Variants in CENPF observed in about 807,000 individuals in gnomAD.
CENPF encodes AH antigen.
CENPF carries 214 observed loss-of-function variants against 307.3 expected under a neutral mutation model. The ratio of observed to expected loss-of-function variants is 0.70; its 90% CI spans 0.62 to 0.78. The LOEUF is 0.78. CENPF is among the 30% of genes least tolerant of loss of function. The pLI, the probability that CENPF is intolerant of heterozygous loss-of-function variation, is 0.00. For missense variants in CENPF, 3,401 were observed against 3,483.9 expected (o/e 0.98, Z 0.60); for synonymous variants, 1,259 against 1,270.6 (o/e 0.99, Z 0.19).
chr1:214,615,586 G>A (rs1254074860), intron 3 of CENPF, among the ~76,000 whole-genome samples: 5 of 152,180 alleles, frequency 3.3e-5, no homozygotes, highest in Non-Finnish European at 5.9e-5. Flanking sequence ...GGGCCCAGTT[G>A]AGATTGGAGA....
Position 214,646,127 on chromosome 1 carries a change from C to T in CENPF, c.6557C>T (p.Thr2186Ile). Residue 2186 changes from threonine (T) to isoleucine (I), a missense_variant, in exon 13 of 20, where the codon ACT becomes ATT. Coordinates refer to ENST00000366955, the MANE Select transcript of CENPF (RefSeq NM_016343.4). ...GAGAATTCCAAAGCAGAAGTAGAGA[C>T]TCTAAAAACACAAATAGAAGAGATG... is the stretch of plus-strand genomic sequence containing the variant. ...DAENSKAEVE[T>I]LKTQIEEMAR... 4.3e-6 allele frequency: 7 copies of T among 1,613,970 alleles called. No individual in the cohort carries two copies. Among genetic ancestry groups the T allele is most frequent in the Non-Finnish European group, 5.9e-6 (7 of 1,179,996 alleles).
chr1:214,616,857 CTTT>C (rs1657359242), intron 3 of CENPF, among the ~76,000 whole-genome samples: 2 of 28,332 alleles, frequency 7.1e-5, no homozygotes, highest in East Asian at 1.7e-3. Flanking sequence ...TTCTTTCTTT[CTTT>C]CTTTCTTTCT....
Position 214,663,942 on chromosome 1 carries a change from A to G in CENPF, c.*148A>G. The G allele has an allele frequency of 6.2e-6, 4 of 649,834 alleles. No homozygotes were observed. Among genetic ancestry groups the G allele is most frequent in the South Asian group, 2.0e-5 (1 of 49,414 alleles). The allele number at this position is 649,834 out of a possible 1,614,324, so 40.3% of individuals were successfully genotyped here. A position where few individuals can be genotyped will look rare whatever the true frequency, so the allele number is the denominator to read the frequency against. Reference sequence around the variant, plus strand: ...GTCTTAAATATATTGTACTCTTTAGATCTCCCATGTGTAGGTATTGAAAAA... The same window carrying G: ...GTCTTAAATATATTGTACTCTTTAGGTCTCCCATGTGTAGGTATTGAAAAA... On this transcript the variant is annotated 3_prime_UTR_variant, in exon 20 of 20. Transcript: ENST00000366955.
chr1:214,622,868 A>G (rs145115553), intron 7 of CENPF, among the ~76,000 whole-genome samples: 1,497 of 144,536 alleles, frequency 0.01, 24 homozygotes, highest in South Asian at 0.028. Context: ...TGTACCCATG[A>G]GTTCTGCATT....
At position 214,641,067 on chromosome 1, in the gene CENPF, A is replaced by G; in HGVS notation, c.2729A>G (p.Glu910Gly). Residue 910 changes from glutamate (E) to glycine (G), a missense_variant, in exon 12 of 20, where the codon GAA becomes GGA. By Grantham distance (98) the Glu-to-Gly change is moderately conservative. Transcript: ENST00000366955. ...AETLSALENK[E>G]KELQLLNDKV... is the part of the protein sequence containing the mutation. ...ACCTTAAGTGCCCTTGAGAACAAGGAAAAAGAGCTGCAACTTTTAAATGAT... is the reference window on the plus strand; with the variant it reads ...ACCTTAAGTGCCCTTGAGAACAAGGGAAAAGAGCTGCAACTTTTAAATGAT... 6.4e-7 allele frequency: 1 copy of G among 1,565,208 alleles called. No individual in the cohort carries two copies. The highest frequency in any genetic ancestry group is 2.2e-5 in the East Asian group (1 of 44,672).
chr1:214,618,156 A>G (rs570850415), intron 3 of CENPF, among the ~76,000 whole-genome samples: 2 of 152,316 alleles, frequency 1.3e-5, no homozygotes, highest in Admixed American at 6.5e-5. Flanking sequence ...CGAGAATAGC[A>G]TGGGAAAACT....
chr1:214,605,902 A>G, intron 1 of CENPF: 1 of 1,597,308 alleles, frequency 6.3e-7, no homozygotes. Flanking sequence ...TCTCGATGTT[A>G]GGGAAGGCGT....
intron 1 of CENPF, chr1:214,605,700 G>A: frequency 3.1e-6 from 5 of 1,591,428 alleles, no homozygotes; most frequent in South Asian, 1.1e-5. Flanking sequence ...GGCAGCTCCT[G>A]GGAGATGAAG....
chr1:214,621,058 G>A, intron 6 of CENPF, 112 bp downstream of exon 6: 1 of 923,822 alleles, frequency 1.1e-6, no homozygotes, highest in African/African-American at 1.7e-5. Flanking sequence ...AGGCACATCG[G>A]TGTTCAACAT....
In CENPF at chr1:214,641,228, C is replaced by T. The variant is rs3795521; in HGVS notation, c.2890C>T (p.Leu964=). 752,966 of 1,604,894 alleles carry T rather than the reference C, an allele frequency of 0.47. 189,538 individuals carry two copies. Among genetic ancestry groups the T allele is most frequent in the Non-Finnish European group, 0.53 (620,814 of 1,177,494 alleles). Residue 964 remains leucine, a synonymous_variant, in exon 12 of 20, where the codon CTA becomes TTA. Transcript: ENST00000366955. ...GAAAGAAATGAGTTCCATCATTTCT[C>T]TAAATAAAAGGGAAATTGAAGAGCT... ...EKKEMSSIIS[L]NKREIEELTQ... is the part of the protein sequence containing the mutation.
intron 1 of CENPF, among the ~76,000 whole-genome samples, chr1:214,611,405 G>A (rs988962517): frequency 2.0e-5 from 3 of 151,004 alleles, no homozygotes; most frequent in Non-Finnish European, 4.4e-5. Flanking sequence ...GCTCTTTGTT[G>A]CCCAGGATGG....
chr1:214,608,459 T>C (rs1657101005), intron 1 of CENPF: 1 of 1,613,182 alleles, frequency 6.2e-7, no homozygotes, highest in Non-Finnish European at 8.5e-7. Context: ...TAGAAGCTGC[T>C]CATCTGGCCC....
In CENPF at chr1:214,652,889, C is replaced by T. The variant is rs766558554; in HGVS notation, c.8222C>T (p.Ser2741Leu). ...ACTTCTAAAGAAGAATGTCTCAGTT[C>T]ACAGAAGCTGGAGATAGACCTTTTA... ...KLTSKEECLS[S>L]QKLEIDLLKS... is the part of the protein sequence containing the mutation. Residue 2741 changes from serine (S) to leucine (L), a missense_variant, in exon 16 of 20, where the codon TCA becomes TTA. Ser to Leu is a moderately radical substitution (Grantham distance 145). Coordinates refer to ENST00000366955, the MANE Select transcript of CENPF (RefSeq NM_016343.4). 9 of 1,608,394 alleles carry T rather than the reference C, an allele frequency of 5.6e-6. No individual in the cohort carries two copies. The highest frequency in any genetic ancestry group is 4.5e-5 in the South Asian group (4 of 89,630).
chr1:214,608,555 G>A (rs1038922492), intron 1 of CENPF: 15 of 1,610,988 alleles, frequency 9.3e-6, no homozygotes, highest in African/African-American at 6.7e-5. Flanking sequence ...ACGCGGTTGC[G>A]GCGGGCGCTC....
rs1658252257 is a variant in CENPF, at chr1:214,645,183, A to G, written c.5613A>G (p.Glu1871=). Residue 1871 remains glutamate, a synonymous_variant, in exon 13 of 20, where the codon GAA becomes GAG. Coordinates refer to ENST00000366955, the MANE Select transcript of CENPF (RefSeq NM_016343.4). ...CTGAAGGCCTCAATTCTGATTTAGA[A>G]ATGCATGCAGATAAATCATCACGTG... ...ETSEGLNSDL[E]MHADKSSRED... 3.7e-6 allele frequency: 6 copies of G among 1,613,968 alleles called. No homozygotes were observed. In the South Asian group the frequency reaches 6.6e-5, roughly 18 times the overall value.
intron 18 of CENPF, among the ~76,000 whole-genome samples, chr1:214,657,705 C>T (rs61818014): frequency 4.6e-5 from 7 of 152,216 alleles, no homozygotes; most frequent in Non-Finnish European, 8.8e-5. Context: ...CTCCCGTCAG[C>T]GTTTCCTACC....
chr1:214,642,305 G>T lies in CENPF; in HGVS notation c.3967G>T (p.Asp1323Tyr), dbSNP rs1480179422. The T allele has an allele frequency of 2.5e-6, 4 of 1,613,710 alleles. No individual in the cohort carries two copies. In the South Asian group the frequency reaches 3.3e-5, roughly 13 times the overall value. Residue 1323 changes from aspartate to tyrosine, a missense_variant, in exon 12 of 20, where the codon GAT (aspartate) becomes TAT (tyrosine). By Grantham distance (160) the Asp-to-Tyr change is radical (BLOSUM62 -3). Coordinates refer to ENST00000366955, the MANE Select transcript of CENPF (RefSeq NM_016343.4). ...GTATGAACTCGTAACTGAGCTGAAT[G>T]ATTCAAGGTCAGAATGTATCACAGC... ...EKYELVTELN[D>Y]SRSECITATR...
intron 1 of CENPF, chr1:214,603,618 C>T (rs1006306953): frequency 6.6e-6 from 1 of 152,226 alleles, no homozygotes; most frequent in African/African-American, 2.4e-5. Flanking sequence ...GGATCATTTT[C>T]TTCCTCCGTA....
chr1:214,656,940 T>C lies in CENPF; in HGVS notation c.8493T>C (p.Val2831=). The change falls in exon 18 of 20, where the codon GTT becomes GTC. Residue 2831 remains valine (V), a synonymous_variant. Coordinates refer to ENST00000366955, the MANE Select transcript of CENPF (RefSeq NM_016343.4). Reference sequence around the variant, plus strand: ...TTGCTTTACTTTGGACAGGTACTGTTATGGATACCAAGGTCGATGAATTAA... The same window carrying C: ...TTGCTTTACTTTGGACAGGTACTGTCATGGATACCAAGGTCGATGAATTAA... ...AAQEKQKTGT[V]MDTKVDELTT... The C allele has an allele frequency of 6.2e-7, 1 of 1,603,514 alleles. No homozygotes were observed. The highest frequency in any genetic ancestry group is 8.5e-7 in the Non-Finnish European group (1 of 1,176,296).
Sources: allele counts gnomAD v4.1 joint callset (sites outside exome capture counted in the v4.1 genomes callset), GRCh38; gene constraint gnomAD v4.1.1; transcripts MANE v1.5; gene names NCBI Gene and HGNC (gene_info 2026-07-23, HGNC 2026-07-21).